The following PTPRR variants were observed in gnomAD, a reference collection of about 807,000 sequenced individuals.
PTPRR encodes protein tyrosine phosphatase receptor type R.
A neutral mutation model predicts 77.2 loss-of-function variants in PTPRR; 38 were observed. The observed-to-expected ratio is 0.49, with a 90% CI of 0.38 to 0.65. The LOEUF is 0.65. Among genes scored for constraint, PTPRR ranks in the 30% least tolerant of loss-of-function variants. The pLI, the probability that PTPRR is intolerant of heterozygous loss-of-function variation, is 0.00. For missense variants in PTPRR, 744 were observed against 799.2 expected, an observed-to-expected ratio of 0.93 and a Z score of 0.83; for synonymous variants, 299 against 283.1, an observed-to-expected ratio of 1.06 and a Z score of -0.57.
chr12:70,688,395 T>C (rs1282349255), intron 8 of PTPRR, among the ~76,000 whole-genome samples: 1 of 152,160 alleles, frequency 6.6e-6, no homozygotes, highest in East Asian at 1.9e-4. Context: ...AAGATTTGAA[T>C]AGACATTTCT....
chr12:70,888,291 A>G (rs2137112818), intron 2 of PTPRR, among the ~76,000 whole-genome samples: 1 of 152,270 alleles, frequency 6.6e-6, no homozygotes, highest in South Asian at 2.1e-4. Context: ...TATCACTATC[A>G]TGATATCTTT....
In PTPRR at chr12:70,805,297, G is replaced by T. The variant is rs144211977; in HGVS notation, c.358-40519C>A. Among the ~76,000 whole-genome samples, 588 of 151,542 alleles carry T rather than the reference G, an allele frequency of 3.9e-3. 6 individuals are homozygous for T. The highest frequency in any genetic ancestry group is 0.014 in the African/African-American group (562 of 41,374). On this transcript the variant is annotated intron_variant, in intron 2 of 13. Transcript: ENST00000283228. The stretch of plus-strand genomic sequence containing the variant: ...TTAGTTAAAATCAATGATTTTTGAG[G>T]GAGTTTATGTATATATGTATATGTA...
At chr12:70,804,683 G>A (rs898921908) in intron 2 of PTPRR, among the ~76,000 whole-genome samples, 7 of 152,168 alleles carry the variant, frequency 4.6e-5, no homozygotes, top group Non-Finnish European at 8.8e-5. Flanking sequence ...CACACAAGAA[G>A]TTAAGGACAG....
At chr12:70,782,774 C>G (rs184667879) in intron 2 of PTPRR, among the ~76,000 whole-genome samples, 150 of 152,174 alleles carry the variant, frequency 9.9e-4, no homozygotes, top group Admixed American at 1.8e-3. Context: ...CAACATGGCA[C>G]ATGTATACAT....
chr12:70,884,342 A>G (rs1044315205), intron 2 of PTPRR, among the ~76,000 whole-genome samples: 2 of 152,168 alleles, frequency 1.3e-5, no homozygotes, highest in Non-Finnish European at 2.9e-5. Context: ...GATAGTAAGC[A>G]TGATTTACAG....
intron 10 of PTPRR, among the ~76,000 whole-genome samples, chr12:70,670,562 G>A (rs1190435469): frequency 6.6e-6 from 1 of 152,204 alleles, no homozygotes; most frequent in Admixed American, 6.5e-5. Context: ...GTAGTGGCTA[G>A]AAAACATCTT....
Position 70,761,459 on chromosome 12 carries a change from GC to G in PTPRR, c.627+11del. 6.4e-7 allele frequency: 1 copy of G among 1,560,436 alleles called. No individual in the cohort carries two copies. Among genetic ancestry groups the G allele is most frequent in the African/African-American group, 1.4e-5 (1 of 73,366 alleles). ...CACATTTTTAAATGAATTGTTTCGT[GC>G]AACAACATACCTCAGGAGAGACTTC... is the stretch of plus-strand genomic sequence containing the variant. On this transcript the variant is annotated intron_variant, in intron 4 of 13. Transcript: ENST00000283228.
chr12:70,711,283 C>A (rs1352932562), intron 6 of PTPRR, among the ~76,000 whole-genome samples: 1 of 152,026 alleles, frequency 6.6e-6, no homozygotes, highest in Non-Finnish European at 1.5e-5. Flanking sequence ...AGCAAACTAA[C>A]ACAGGAACAG....
chr12:70,854,658 G>A (rs1484167013), intron 2 of PTPRR, among the ~76,000 whole-genome samples: 4 of 152,218 alleles, frequency 2.6e-5, no homozygotes, highest in African/African-American at 9.7e-5. Flanking sequence ...CCAGGCACCA[G>A]AGGGTAGAGG....
chr12:70,826,770 G>A (rs1892116399), intron 2 of PTPRR, among the ~76,000 whole-genome samples: 1 of 152,118 alleles, frequency 6.6e-6, no homozygotes, highest in Admixed American at 6.5e-5. Flanking sequence ...TCAATACTCT[G>A]CCAAGACTCT....
chr12:70,800,755 T>A (rs1251269133), intron 2 of PTPRR, among the ~76,000 whole-genome samples: 1 of 151,948 alleles, frequency 6.6e-6, no homozygotes, highest in East Asian at 1.9e-4. Flanking sequence ...ATTAGCTGGG[T>A]GTGGTGACAC....
chr12:70,847,424 T>C (rs1368073050), intron 2 of PTPRR, among the ~76,000 whole-genome samples: 1 of 152,220 alleles, frequency 6.6e-6, no homozygotes, highest in Non-Finnish European at 1.5e-5. Context: ...TTGGCTCTGA[T>C]ATTTCAGATG....
At chr12:70,911,929 A>G (rs1893706766) in intron 1 of PTPRR, among the ~76,000 whole-genome samples, 2 of 152,164 alleles carry the variant, frequency 1.3e-5, no homozygotes, top group South Asian at 4.1e-4. Context: ...TAAGACTGCA[A>G]GTTTGGATAT....
intron 2 of PTPRR, among the ~76,000 whole-genome samples, chr12:70,795,105 T>TA (rs1891488471): frequency 6.6e-6 from 1 of 151,306 alleles, no homozygotes; most frequent in Non-Finnish European, 1.5e-5. Context: ...GCAATATATA[T>TA]TTTTTTAAAA....
chr12:70,815,225 G>GAC (rs1891882347), intron 2 of PTPRR, among the ~76,000 whole-genome samples: 1 of 150,432 alleles, frequency 6.6e-6, no homozygotes, highest in Non-Finnish European at 1.5e-5. Context: ...CAGCTGATTA[G>GAC]ACACTGGAGA....
chr12:70,645,551 T>A (rs1886164853), intron 13 of PTPRR, among the ~76,000 whole-genome samples: 1 of 152,194 alleles, frequency 6.6e-6, no homozygotes, highest in African/African-American at 2.4e-5. Context: ...TATTTGTTCA[T>A]CCTAATGATG....
chr12:70,889,343 C>T (rs1840783884), intron 2 of PTPRR, among the ~76,000 whole-genome samples: 1 of 151,768 alleles, frequency 6.6e-6, no homozygotes, highest in Non-Finnish European at 1.5e-5. Context: ...TTTCAAAGCC[C>T]TTCACATAAT....
chr12:70,654,286 G>C (rs1886498071), intron 13 of PTPRR, among the ~76,000 whole-genome samples: 1 of 152,058 alleles, frequency 6.6e-6, no homozygotes, highest in Non-Finnish European at 1.5e-5. Flanking sequence ...ATCTCGAAAG[G>C]TAATTATATG....
At chr12:70,776,428 T>C (rs546126143) in intron 2 of PTPRR, among the ~76,000 whole-genome samples, 72 of 152,342 alleles carry the variant, frequency 4.7e-4, no homozygotes, top group Non-Finnish European at 8.7e-4. Context: ...ATGGACATCA[T>C]AGTTATCTGT....
Sources: allele counts gnomAD v4.1 joint callset (sites outside exome capture counted in the v4.1 genomes callset), GRCh38; gene constraint gnomAD v4.1.1; transcripts MANE v1.5; gene names NCBI Gene and HGNC (gene_info 2026-07-23, HGNC 2026-07-21).